SLC17A2: variants seen among roughly 807,000 people sequenced by gnomAD.
SLC17A2 encodes sodium-dependent phosphate transport protein 3.
A neutral mutation model predicts 52.1 loss-of-function variants in SLC17A2; 38 were observed. The observed-to-expected ratio is 0.73, with a 90% confidence interval of 0.56 to 0.96. The LOEUF (loss-of-function observed/expected upper bound fraction) is 0.96, where lower values mean the gene tolerates loss of function less well. Among genes scored for constraint, SLC17A2 ranks in the 40% least tolerant of loss-of-function variants. SLC17A2 has a pLI of 0.00. For missense variants in SLC17A2, 508 were observed against 583.9 expected, an observed-to-expected ratio of 0.87 and a Z score of 1.34; for synonymous variants, 226 against 211.9, an observed-to-expected ratio of 1.07 and a Z score of -0.58.
chr6:25,915,171 A>ATATATATATATATATT (rs1766258179), intron 10 of SLC17A2, among the ~76,000 whole-genome samples: 1 of 130,826 alleles, frequency 7.6e-6, no homozygotes, highest in Non-Finnish European at 1.6e-5. Context: ...ATATATATAT[A>ATATATATATATATATT]TATATATGGT....
In SLC17A2 at chr6:25,916,706, C is replaced by T; in HGVS notation, c.909G>A (p.Leu303=). Residue 303 remains leucine (L), a synonymous_variant, in exon 8 of 12, where the codon CTG becomes CTA. Coordinates refer to ENST00000377850, the MANE Select transcript of SLC17A2 (RefSeq NM_001286123.3). ...TCACATCTCTGATGTTAACATGGAGCAGAGTACTGATATACGTTGGTAGGT... is the reference window on the plus strand; with the variant it reads ...TCACATCTCTGATGTTAACATGGAGTAGAGTACTGATATACGTTGGTAGGT... The part of the protein sequence containing the change: ...LTYLPTYIST[L]LHVNIRDSGV... The T allele has an allele frequency of 6.2e-7, 1 of 1,613,474 alleles. No individual in the cohort carries two copies. The highest frequency in any genetic ancestry group is 8.5e-7 in the Non-Finnish European group (1 of 1,179,448).
At chr6:25,925,231 G>T (rs1483392204) in intron 2 of SLC17A2, among the ~76,000 whole-genome samples, 1 of 152,012 alleles carries the variant, frequency 6.6e-6, no homozygotes, top group Admixed American at 6.6e-5. Context: ...TGACTTTCCC[G>T]GGCCAGGCGT....
intron 3 of SLC17A2, among the ~76,000 whole-genome samples, chr6:25,922,480 CA>C (rs892664774): frequency 6.6e-6 from 1 of 152,164 alleles, no homozygotes; most frequent in African/African-American, 2.4e-5. Context: ...GAAGCAGGCC[CA>C]AATTCTGAAG....
chr6:25,920,855 A>G (rs1766524736), intron 5 of SLC17A2, 151 bp downstream of exon 5: 1 of 674,928 alleles, frequency 1.5e-6, no homozygotes, highest in Non-Finnish European at 2.5e-6. Flanking sequence ...GCACAGATGC[A>G]TCTTTCCTAT....
chr6:25,925,964 T>C (rs1766750408), intron 1 of SLC17A2, 85 bp from the exon 2 acceptor site: 1 of 735,088 alleles, frequency 1.4e-6, no homozygotes, highest in African/African-American at 1.7e-5. Context: ...AGTAAAAGTT[T>C]TGACCCAACA....
chr6:25,913,720 C>T (rs774157014), intron 11 of SLC17A2, among the ~76,000 whole-genome samples: 3 of 151,196 alleles, frequency 2.0e-5, no homozygotes, highest in African/African-American at 4.8e-5. Flanking sequence ...TAATATTACT[C>T]ATTTAAAATT....
chr6:25,913,479 C>G, intron 11 of SLC17A2, 28 bp from the exon 12 acceptor site: 1 of 1,610,020 alleles, frequency 6.2e-7, no homozygotes, highest in Non-Finnish European at 8.5e-7. Context: ...AGAAAATGAT[C>G]AATCTCACAA....
chr6:25,925,777 G>A lies in SLC17A2; in HGVS notation c.20C>T (p.Thr7Ile). 1 of 1,614,114 alleles carries A rather than the reference G, an allele frequency of 6.2e-7. No individual in the cohort carries two copies. The highest frequency in any genetic ancestry group is 8.5e-7 in the Non-Finnish European group (1 of 1,179,956). MDGKPA[T>I]RKGPDFCSLR... ...AAGAGCAGTGGCTTTACCTTTCCTGGTGGCAGGCTTCCCGTCCATTTAGCT... is the reference window on the plus strand; with the variant it reads ...AAGAGCAGTGGCTTTACCTTTCCTGATGGCAGGCTTCCCGTCCATTTAGCT... The change falls in exon 2 of 12, where the codon ACC becomes ATC. Residue 7 changes from threonine (T) to isoleucine (I), a missense_variant. Transcript: ENST00000377850.
chr6:25,922,197 T>C (rs1766587901), intron 3 of SLC17A2, among the ~76,000 whole-genome samples: 1 of 152,018 alleles, frequency 6.6e-6, no homozygotes, highest in African/African-American at 2.4e-5. Flanking sequence ...ATATGATTCA[T>C]GTGAGAATCA....
Position 25,913,210 on chromosome 6 carries a change from G to T in SLC17A2, c.*107C>A. On this transcript the variant is annotated 3_prime_UTR_variant, in exon 12 of 12. Transcript: ENST00000377850. The stretch of plus-strand genomic sequence containing the variant: ...GCTCCCCAGGGAAGACTAACACACA[G>T]CCAGAGTTAAGAACTGCTGAGTCTA... 8.2e-7 allele frequency: 1 copy of T among 1,215,250 alleles called. No individual in the cohort carries two copies. The highest frequency in any genetic ancestry group is 1.2e-6 in the Non-Finnish European group (1 of 828,910). 75.3% of individuals were successfully genotyped at this position (1,215,250 alleles called of 1,614,324 possible).
At chr6:25,918,972 G>A (rs997159977) in intron 5 of SLC17A2, among the ~76,000 whole-genome samples, 3 of 152,162 alleles carry the variant, frequency 2.0e-5, no homozygotes, top group African/African-American at 7.2e-5. Flanking sequence ...TGCCCTCAAA[G>A]AGCTTCTGGT....
chr6:25,916,043 G>A (rs1190463856), intron 8 of SLC17A2, among the ~76,000 whole-genome samples, 175 bp from the exon 9 acceptor site: 1 of 152,192 alleles, frequency 6.6e-6, no homozygotes, highest in African/African-American at 2.4e-5. Flanking sequence ...GCCAGAAGCT[G>A]CATCACTCTG....
At chr6:25,925,255 T>C (rs1472618054) in intron 2 of SLC17A2, among the ~76,000 whole-genome samples, 5 of 152,186 alleles carry the variant, frequency 3.3e-5, no homozygotes, top group Admixed American at 3.3e-4. Flanking sequence ...GGCCCATGCC[T>C]GTAATCCCAG....
intron 8 of SLC17A2, among the ~76,000 whole-genome samples, chr6:25,916,451 T>C (rs1766320250): frequency 6.6e-6 from 1 of 152,168 alleles, no homozygotes; most frequent in Non-Finnish European, 1.5e-5. Context: ...GTTAAGAATA[T>C]GGATGCTGCA....
intron 1 of SLC17A2, among the ~76,000 whole-genome samples, chr6:25,926,844 A>G (rs1037190605): frequency 2.6e-5 from 4 of 152,182 alleles, no homozygotes; most frequent in African/African-American, 9.7e-5. Context: ...AGGTGGGTGG[A>G]TCACTTGAGG....
intron 2 of SLC17A2, among the ~76,000 whole-genome samples, chr6:25,924,572 G>T (rs1337634078): frequency 6.6e-6 from 1 of 151,980 alleles, no homozygotes; most frequent in Non-Finnish European, 1.5e-5. Context: ...ATTTTGGGAG[G>T]CTAAGGCAGG....
In SLC17A2 at chr6:25,916,962, A is replaced by G. The variant is rs777145841; in HGVS notation, c.768+7T>C. 1.1e-5 allele frequency: 18 copies of G among 1,603,812 alleles called. No individual in the cohort carries two copies. The Admixed American group carries it at 1.7e-4, about 15-fold the overall frequency. On this transcript the variant is annotated splice_region_variant and intron_variant, in intron 7 of 11. Transcript: ENST00000377850. ...CATGGGCCACAGGTACAAGGTGTGC[A>G]CTGTACCTGTTGAGCCAGTGAGGAC...
At chr6:25,923,458 T>G (rs1354774333) in intron 3 of SLC17A2, among the ~76,000 whole-genome samples, 6 of 152,210 alleles carry the variant, frequency 3.9e-5, no homozygotes, top group Admixed American at 3.9e-4. Context: ...CATAAACTGT[T>G]CCATTTTTAA....
intron 6 of SLC17A2, among the ~76,000 whole-genome samples, chr6:25,917,632 A>G (rs1480933773): frequency 1.3e-5 from 2 of 152,276 alleles, no homozygotes; most frequent in Non-Finnish European, 2.9e-5. Flanking sequence ...CAAAATAATT[A>G]GCATCATTAA....
Sources: allele counts gnomAD v4.1 joint callset (sites outside exome capture counted in the v4.1 genomes callset), GRCh38; gene constraint gnomAD v4.1.1; transcripts MANE v1.5; gene names NCBI Gene and HGNC (gene_info 2026-07-23, HGNC 2026-07-21).